Variants in KRT72 observed in about 807,000 individuals in gnomAD.
The protein encoded by KRT72 is keratin, type II cytoskeletal 72.
KRT72 carries 44 observed loss-of-function variants against 44.7 expected under a neutral mutation model. The observed-to-expected ratio is 0.98, with a 90% CI of 0.77 to 1.27. KRT72 has a LOEUF of 1.27. Ranked by LOEUF, KRT72 falls within the 50% of genes most tolerant of loss-of-function variation. The probability of loss-of-function intolerance (pLI) is 0.00; values close to 1 mark genes in which losing one functional copy is unlikely to be tolerated. For missense variants in KRT72, 736 were observed against 667.1 expected (o/e 1.10, Z -1.14); for synonymous variants, 302 against 280.4 (o/e 1.08, Z -0.77).
chr12:52,602,815 C>G (rs1940521888), upstream of KRT72, among the ~76,000 whole-genome samples: 1 of 152,176 alleles, frequency 6.6e-6, no homozygotes, highest in South Asian at 2.1e-4. Context: ...TTAAATGGTA[C>G]CTGGGGGTAA....
At chr12:52,600,387 C>G (rs1940382444) in intron 1 of KRT72, among the ~76,000 whole-genome samples, 1 of 152,168 alleles carries the variant, frequency 6.6e-6, no homozygotes, top group African/African-American at 2.4e-5. Context: ...TGACCCCTCC[C>G]TTCTCACAGT....
At position 52,586,876 on chromosome 12, in the gene KRT72, T is replaced by G. The variant is rs930896180; in HGVS notation, c.1345+70A>C. ...CTGTCATTCTGATTTCTCTTTTGTG[T>G]CATGAATTAAAGGGACTCGGACTTC... On this transcript the variant is annotated intron_variant, in intron 8 of 8. Coordinates refer to ENST00000293745, the MANE Select transcript of KRT72 (RefSeq NM_080747.3). The G allele has an allele frequency of 3.5e-6, 5 of 1,410,846 alleles. No homozygotes were observed. In the African/African-American group the frequency reaches 7.1e-5, roughly 20 times the overall value. 87.4% of individuals were successfully genotyped at this position (1,410,846 alleles called of 1,614,324 possible).
At chr12:52,593,071 C>A in intron 2 of KRT72, 119 bp from the exon 3 acceptor site, 1 of 779,192 alleles carries the variant, frequency 1.3e-6, no homozygotes, top group South Asian at 2.1e-5. Context: ...TCCCATACCC[C>A]TGGGGCACAC....
Position 52,601,296 on chromosome 12 carries a change from C to G in KRT72, c.157G>C (p.Gly53Arg), listed in dbSNP as rs532136578. The G allele has an allele frequency of 1.3e-5, 20 of 1,549,492 alleles. No individual in the cohort carries two copies. In the Admixed American group the frequency reaches 2.9e-4, roughly 23 times the overall value. The change falls in exon 1 of 9, where the codon GGG (glycine) becomes CGG (arginine). Residue 53 changes from glycine to arginine, a missense_variant. Transcript: ENST00000293745. ...CTGAGCGCCAGGCTTCGGCTGCCCC[C>G]AAGGCAGGAGAGGCTCTTGCTGCCA... Reference protein sequence around the residue: ...SFGSKSLSCLGGSRSLALSAA... With the variant: ...SFGSKSLSCLRGSRSLALSAA...
chr12:52,592,842 C>T, intron 3 of KRT72, 50 bp downstream of exon 3: 1 of 1,524,296 alleles, frequency 6.6e-7, no homozygotes, highest in Non-Finnish European at 9.1e-7. Context: ...CATCATTGTG[C>T]CAGGTGGTCA....
upstream of KRT72, chr12:52,601,663 G>A (rs558670421): frequency 6.9e-6 from 4 of 580,680 alleles, no homozygotes; most frequent in South Asian, 8.5e-5. Context: ...CTGTTCCACC[G>A]TGAACTCCCC....
At chr12:52,586,471 G>C (rs1310951871) in intron 8 of KRT72, among the ~76,000 whole-genome samples, 5 of 152,208 alleles carry the variant, frequency 3.3e-5, no homozygotes, top group South Asian at 2.1e-4. Flanking sequence ...GGTGCTGCTG[G>C]TCTGCTGATG....
chr12:52,596,083 C>A (rs1940217996), intron 2 of KRT72, among the ~76,000 whole-genome samples: 1 of 151,984 alleles, frequency 6.6e-6, no homozygotes, highest in African/African-American at 2.4e-5. Flanking sequence ...AACAAATATC[C>A]CTGCCCTTAA....
rs376725730 is a variant in KRT72 at position 52,601,298 on chromosome 12, A to G, written c.155T>C (p.Leu52Pro). The G allele has an allele frequency of 1.3e-6, 2 of 1,548,676 alleles. No individual in the cohort carries two copies. The highest frequency in any genetic ancestry group is 1.2e-5 in the South Asian group (1 of 84,344). ...GAGCGCCAGGCTTCGGCTGCCCCCAAGGCAGGAGAGGCTCTTGCTGCCAAA... is the reference window on the plus strand; with the variant it reads ...GAGCGCCAGGCTTCGGCTGCCCCCAGGGCAGGAGAGGCTCTTGCTGCCAAA... ...ASFGSKSLSC[L>P]GGSRSLALSA... The change falls in exon 1 of 9, where the codon CTT becomes CCT. Residue 52 changes from leucine (L) to proline (P), a missense_variant. Transcript: ENST00000293745.
chr12:52,594,765 G>A (rs575454949), intron 2 of KRT72, among the ~76,000 whole-genome samples: 1 of 152,148 alleles, frequency 6.6e-6, no homozygotes, highest in South Asian at 2.1e-4. Flanking sequence ...TAAAAAAAAA[G>A]CACTGTTGAA....
intron 6 of KRT72, among the ~76,000 whole-genome samples, chr12:52,588,865 A>G (rs10747644): frequency 0.35 from 52,600 of 151,836 alleles, 9,782 homozygotes; most frequent in East Asian, 0.59. Context: ...GAGTGATGGC[A>G]CGCAGCTGCC....
chr12:52,590,462 G>A (rs1939957615), intron 6 of KRT72, among the ~76,000 whole-genome samples: 1 of 152,164 alleles, frequency 6.6e-6, no homozygotes, highest in African/African-American at 2.4e-5. Context: ...CCTGCTCCCT[G>A]CCACCCCTGC....
At chr12:52,593,939 G>A (rs960160861) in intron 2 of KRT72, among the ~76,000 whole-genome samples, 10 of 152,308 alleles carry the variant, frequency 6.6e-5, no homozygotes, top group East Asian at 3.9e-4. Flanking sequence ...GATGGAAAGC[G>A]TGTTCTGGAG....
chr12:52,599,739 A>C (rs960804241), intron 1 of KRT72, among the ~76,000 whole-genome samples: 4 of 152,156 alleles, frequency 2.6e-5, no homozygotes, highest in African/African-American at 9.7e-5. Context: ...CCTCTGGAAT[A>C]GCTGCTGTGT....
At chr12:52,597,246 G>A (rs576940075) in intron 2 of KRT72, among the ~76,000 whole-genome samples, 3 of 152,274 alleles carry the variant, frequency 2.0e-5, no homozygotes, top group Middle Eastern at 3.4e-3. Context: ...AATCATTTTA[G>A]AGAGCCTATG....
In KRT72 at chr12:52,587,657, GC is replaced by G. The variant is rs1224909238; in HGVS notation, c.1283del (p.Arg428ProfsTer19). On this transcript the variant is annotated frameshift_variant, in exon 7 of 9. Transcript: ENST00000293745. LOFTEE classifies it high-confidence loss of function. ...TGCACTCCTCGCTCTCCAGCAGCTT[GC>G]GGTAGGTGGCGATCTCCATATCCAG... ...LALDMEIATY[R>X]KLLESEECRM... 7.4e-6 allele frequency: 12 copies of G among 1,614,076 alleles called. No individual in the cohort carries two copies. Among genetic ancestry groups the G allele is most frequent in the Non-Finnish European group, 1.0e-5 (12 of 1,180,042 alleles).
chr12:52,592,421 T>G lies in KRT72; in HGVS notation c.773A>C (p.Lys258Thr). 1 of 1,613,494 alleles carries G rather than the reference T, an allele frequency of 6.2e-7. No individual in the cohort carries two copies. Among genetic ancestry groups the G allele is most frequent in the Non-Finnish European group, 8.5e-7 (1 of 1,179,472 alleles). ...AKVDSLTDEI[K>T]FFKCLYEGEI... ...CCCTTCATAAAGGCACTTGAAGAAT[T>G]TAATCTCATCTGTCAAGGAGTCCAC... The change falls in exon 4 of 9, where the codon AAA becomes ACA. Residue 258 changes from lysine (K) to threonine (T), a missense_variant. By Grantham distance (78) the Lys-to-Thr change is moderately conservative (BLOSUM62 -1). Transcript: ENST00000293745.
intron 5 of KRT72, 53 bp downstream of exon 5, chr12:52,591,411 G>A: frequency 1.3e-6 from 2 of 1,573,086 alleles, no homozygotes; most frequent in South Asian, 2.3e-5. Flanking sequence ...CACACATACT[G>A]AGAGGGTGCT....
chr12:52,587,604 C>T (rs1939820434), intron 7 of KRT72, 27 bp downstream of exon 7: 1 of 1,612,266 alleles, frequency 6.2e-7, no homozygotes, highest in Non-Finnish European at 8.5e-7. Flanking sequence ...AAAACTGGTC[C>T]CGACACAAGG....
Sources: allele counts gnomAD v4.1 joint callset (sites outside exome capture counted in the v4.1 genomes callset), GRCh38; gene constraint gnomAD v4.1.1; transcripts MANE v1.5; gene names NCBI Gene and HGNC (gene_info 2026-07-23, HGNC 2026-07-21).